The following CYTH1 variants were observed in gnomAD, a reference collection of about 807,000 sequenced individuals.
CYTH1 encodes the protein cytohesin 1.
In CYTH1, 18 loss-of-function variants were observed where a neutral mutation model predicts 61.8. The ratio of observed to expected loss-of-function variants is 0.29; its 90% CI spans 0.20 to 0.43. CYTH1 has a LOEUF of 0.43. Ranked by LOEUF, CYTH1 falls within the 20% of genes least tolerant of loss-of-function variation. The probability of loss-of-function intolerance (pLI) is 1.00; values close to 1 mark genes in which losing one functional copy is unlikely to be tolerated. For missense variants in CYTH1, 336 were observed against 510.5 expected (o/e 0.66, Z 3.29); for synonymous variants, 174 against 184.3 (o/e 0.94, Z 0.45).
At chr17:78,698,189 GCACGCACGCACACACGCACACA>G in intron 9 of CYTH1, 58 bp downstream of exon 9, 1 of 1,126,876 alleles carries the variant, frequency 8.9e-7, no homozygotes, top group Non-Finnish European at 1.3e-6. Flanking sequence ...GCGCACACAC[GCACGCACGCACACACGCACACA>G]CACCGCCTTT....
At chr17:78,742,197 C>T (rs188007432) in intron 1 of CYTH1, among the ~76,000 whole-genome samples, 17 of 152,310 alleles carry the variant, frequency 1.1e-4, no homozygotes, top group African/African-American at 4.1e-4. Flanking sequence ...ATACGAACTA[C>T]TTTAAGGCTC....
At chr17:78,759,815 G>T (rs1384212519) in intron 1 of CYTH1, among the ~76,000 whole-genome samples, 1 of 152,202 alleles carries the variant, frequency 6.6e-6, no homozygotes, top group East Asian at 1.9e-4. Flanking sequence ...ATGAAGGGAA[G>T]CATCTCTGGC....
chr17:78,712,207 AAG>A (rs1028034639), intron 1 of CYTH1, among the ~76,000 whole-genome samples: 14 of 150,876 alleles, frequency 9.3e-5, no homozygotes, highest in African/African-American at 2.9e-4. Flanking sequence ...GAGAGAGAGA[AAG>A]AGAAAGAAAA....
chr17:78,772,119 G>A (rs1373019999), intron 1 of CYTH1, among the ~76,000 whole-genome samples: 1 of 152,140 alleles, frequency 6.6e-6, no homozygotes, highest in Admixed American at 6.6e-5. Context: ...GTGTGGCAAC[G>A]GAGCAAATGG....
chr17:78,750,641 A>G (rs560757728), intron 1 of CYTH1, among the ~76,000 whole-genome samples: 59 of 152,112 alleles, frequency 3.9e-4, no homozygotes, highest in African/African-American at 1.4e-3. Flanking sequence ...CCCCATCTCT[A>G]TGAAAAATAC....
intron 1 of CYTH1, among the ~76,000 whole-genome samples, chr17:78,749,635 AAAT>A (rs557503985): frequency 9.7e-4 from 148 of 152,200 alleles, no homozygotes; most frequent in African/African-American, 3.4e-3. Context: ...TGTCTCAAAA[AAAT>A]AATAATAACA....
At chr17:78,680,843 A>G (rs1474223362) in intron 12 of CYTH1, 128 bp downstream of exon 12, 2 of 918,754 alleles carry the variant, frequency 2.2e-6, no homozygotes, top group Non-Finnish European at 3.5e-6. Context: ...TGAACAATAT[A>G]ATAAAAAATT....
chr17:78,715,639 G>A (rs2093174458), intron 1 of CYTH1, among the ~76,000 whole-genome samples: 1 of 152,158 alleles, frequency 6.6e-6, no homozygotes, highest in East Asian at 1.9e-4. Context: ...AGAATAAAAA[G>A]GACTGGGCAA....
chr17:78,780,908 G>C (rs1228069634), intron 1 of CYTH1, among the ~76,000 whole-genome samples: 1 of 152,152 alleles, frequency 6.6e-6, no homozygotes, highest in African/African-American at 2.4e-5. Flanking sequence ...TCAGGAGCCT[G>C]AGGCAGGAGA....
At chr17:78,777,543 G>C (rs1426037188) in intron 1 of CYTH1, among the ~76,000 whole-genome samples, 1 of 152,188 alleles carries the variant, frequency 6.6e-6, no homozygotes, top group Non-Finnish European at 1.5e-5. Context: ...CTGGAACTGA[G>C]AAAGCCTTTT....
At chr17:78,764,041 G>A (rs929328037) in intron 1 of CYTH1, among the ~76,000 whole-genome samples, 29 of 152,056 alleles carry the variant, frequency 1.9e-4, no homozygotes, top group Non-Finnish European at 4.0e-4. Context: ...AACCCGGGAG[G>A]CAGAGGTTGC....
At chr17:78,694,058 G>A (rs984241078) in intron 10 of CYTH1, among the ~76,000 whole-genome samples, 2 of 152,198 alleles carry the variant, frequency 1.3e-5, no homozygotes, top group Non-Finnish European at 2.9e-5. Context: ...CTAACTGCCA[G>A]GACCTGCCTG....
chr17:78,712,540 C>T (rs535020038), intron 1 of CYTH1, among the ~76,000 whole-genome samples: 1 of 152,106 alleles, frequency 6.6e-6, no homozygotes, highest in African/African-American at 2.4e-5. Flanking sequence ...CCTGTAATCC[C>T]AGCTACTCAG....
intron 1 of CYTH1, among the ~76,000 whole-genome samples, chr17:78,781,681 C>T (rs2093518566): frequency 6.6e-6 from 1 of 152,152 alleles, no homozygotes; most frequent in Non-Finnish European, 1.5e-5. Flanking sequence ...CTCGCTGACG[C>T]CGAGAGCGGC....
intron 1 of CYTH1, among the ~76,000 whole-genome samples, chr17:78,712,515 G>A (rs945549063): frequency 6.6e-6 from 1 of 151,960 alleles, no homozygotes; most frequent in Non-Finnish European, 1.5e-5. Flanking sequence ...AATTAGCCAG[G>A]CATGGTGGCA....
At chr17:78,773,817 C>A (rs2093480889) in intron 1 of CYTH1, among the ~76,000 whole-genome samples, 1 of 152,036 alleles carries the variant, frequency 6.6e-6, no homozygotes, top group African/African-American at 2.4e-5. Flanking sequence ...CTAACCTAAA[C>A]CCCAGTCAAA....
At chr17:78,759,304 G>A (rs1247100109) in intron 1 of CYTH1, among the ~76,000 whole-genome samples, 5 of 152,114 alleles carry the variant, frequency 3.3e-5, no homozygotes, top group Non-Finnish European at 7.4e-5. Flanking sequence ...TCAGTTCTTC[G>A]TAGGTCTCAT....
intron 3 of CYTH1, 64 bp from the exon 4 acceptor site, chr17:78,702,668 T>C: frequency 2.0e-6 from 3 of 1,506,102 alleles, no homozygotes; most frequent in Non-Finnish European, 1.8e-6. Context: ...GAAAGACTAA[T>C]ATGATTTCCA....
intron 1 of CYTH1, chr17:78,727,591 C>A (rs1046091809): frequency 9.0e-6 from 4 of 444,590 alleles, no homozygotes; most frequent in African/African-American, 8.1e-5. Flanking sequence ...TAAGAAGGAG[C>A]TGACTAGGGC....
Sources: allele counts gnomAD v4.1 joint callset (sites outside exome capture counted in the v4.1 genomes callset), GRCh38; gene constraint gnomAD v4.1.1; transcripts MANE v1.5; gene names NCBI Gene and HGNC (gene_info 2026-07-23, HGNC 2026-07-21).